Variants in CTTNBP2NL observed in about 807,000 individuals in gnomAD.
The protein encoded by CTTNBP2NL is CTTNBP2 N-terminal like, also known as CTTNBP2 N-terminal-like protein.
A neutral mutation model predicts 32.5 loss-of-function variants in CTTNBP2NL; 16 were observed. The ratio of observed to expected loss-of-function variants is 0.49; its 90% CI spans 0.33 to 0.75. CTTNBP2NL has a LOEUF of 0.75. Ranked by LOEUF, CTTNBP2NL falls within the 30% of genes least tolerant of loss-of-function variation. CTTNBP2NL has a pLI of 0.02. For synonymous variants in CTTNBP2NL, 298 were observed against 289.4 expected, an observed-to-expected ratio of 1.03 and a Z score of -0.30; for missense variants, 645 against 756.0, an observed-to-expected ratio of 0.85 and a Z score of 1.72.
chr1:112,430,209 T>TTCTTTTCTTG, intron 3 of CTTNBP2NL, among the ~76,000 whole-genome samples: 1 of 39,442 alleles, frequency 2.5e-5, no homozygotes, highest in Admixed American at 3.2e-4. Context: ...TTCTTTTCTT[T>TTCTTTTCTTG]TCTTTTCTTT....
chr1:112,398,459 A>G (rs1648395383), intron 1 of CTTNBP2NL, among the ~76,000 whole-genome samples: 1 of 152,074 alleles, frequency 6.6e-6, no homozygotes, highest in South Asian at 2.1e-4. Flanking sequence ...GTATGACTTC[A>G]TGAGTGTTTG....
rs529457235 is a variant in CTTNBP2NL at position 112,448,643 on chromosome 1, C to T, written c.100-299C>T. On this transcript the variant is annotated intron_variant, in intron 3 of 5. Transcript: ENST00000271277. ...GATGAGTAACCAGGAATAGTTTTCT[C>T]ATCAGCAAAATCGAGATGATAGCAC... Among the ~76,000 whole-genome samples, 4 of 152,244 alleles carry T rather than the reference C, an allele frequency of 2.6e-5. No individual in the cohort carries two copies. In the South Asian group the frequency reaches 8.3e-4, roughly 32 times the overall value.
chr1:112,413,329 C>T (rs1404202071), intron 2 of CTTNBP2NL, among the ~76,000 whole-genome samples: 4 of 152,172 alleles, frequency 2.6e-5, no homozygotes, highest in East Asian at 1.9e-4. Context: ...CCGAGGTCAT[C>T]GATCTTGGCT....
Position 112,456,499 on chromosome 1 carries a change from C to G in CTTNBP2NL, c.1007C>G (p.Pro336Arg). ...GCCAAGATGACAAACACTGGGCTGC[C>G]TGGTCCTGCCACTCCTGCTTACTCA... is the stretch of plus-strand genomic sequence containing the variant. ...NIAKMTNTGL[P>R]GPATPAYSYA... The change falls in exon 6 of 6, where the codon CCT (proline) becomes CGT (arginine). Residue 336 changes from proline (P) to arginine (R), a missense_variant. Pro to Arg is a moderately radical substitution (Grantham distance 103). Transcript: ENST00000271277. 3 of 1,614,160 alleles carry G rather than the reference C, an allele frequency of 1.9e-6. No individual in the cohort carries two copies. Among genetic ancestry groups the G allele is most frequent in the Non-Finnish European group, 2.5e-6 (3 of 1,180,010 alleles).
At chr1:112,426,251 CTTG>C (rs1212928677) in intron 3 of CTTNBP2NL, among the ~76,000 whole-genome samples, 2 of 151,914 alleles carry the variant, frequency 1.3e-5, no homozygotes, top group African/African-American at 4.8e-5. Context: ...TTTTTATGTC[CTTG>C]TTGTGTGTCT....
rs559590699 is a variant in CTTNBP2NL, at chr1:112,411,818, G to A, written c.-133-376G>A. On this transcript the variant is annotated intron_variant, in intron 1 of 5. Coordinates refer to ENST00000271277, the MANE Select transcript of CTTNBP2NL (RefSeq NM_018704.3). ...CTGCCTTAGCCTCGTGAGTAGCTGG[G>A]ACCACAGGCACCCGCCACCACGCCC... 6.2e-3 allele frequency among the ~76,000 whole-genome samples: 940 copies of A among 152,166 alleles called. 6 individuals carry two copies. Among genetic ancestry groups the A allele is most frequent in the African/African-American group, 0.022 (899 of 41,494 alleles).
intron 2 of CTTNBP2NL, among the ~76,000 whole-genome samples, chr1:112,412,733 C>G (rs189028109): frequency 6.6e-6 from 1 of 150,948 alleles, no homozygotes; most frequent in African/African-American, 2.4e-5. Context: ...TCTCCTGCCT[C>G]AGCCTCCTGA....
chr1:112,403,541 C>A (rs563575318), intron 1 of CTTNBP2NL, among the ~76,000 whole-genome samples: 1 of 152,222 alleles, frequency 6.6e-6, no homozygotes, highest in East Asian at 1.9e-4. Flanking sequence ...GTGATAACTG[C>A]TCTTGAATTA....
At chr1:112,422,994 A>G (rs796852380) in intron 3 of CTTNBP2NL, among the ~76,000 whole-genome samples, 1 of 152,158 alleles carries the variant, frequency 6.6e-6, no homozygotes, top group African/African-American at 2.4e-5. Flanking sequence ...AGGTCTCACC[A>G]TGTTGCTCAG....
chr1:112,397,706 T>C (rs1286392507), intron 1 of CTTNBP2NL, among the ~76,000 whole-genome samples: 1 of 152,182 alleles, frequency 6.6e-6, no homozygotes, highest in Non-Finnish European at 1.5e-5. Flanking sequence ...GCTAGCGCTT[T>C]TATATATTAA....
At chr1:112,425,428 G>A (rs965185735) in intron 3 of CTTNBP2NL, among the ~76,000 whole-genome samples, 10 of 152,150 alleles carry the variant, frequency 6.6e-5, no homozygotes, top group African/African-American at 2.2e-4. Context: ...CTGAGATCGC[G>A]CCACCGCACT....
chr1:112,455,900 CA>C, intron 5 of CTTNBP2NL, 30 bp from the exon 6 acceptor site: 1 of 1,516,184 alleles, frequency 6.6e-7, no homozygotes, highest in Non-Finnish European at 8.9e-7. Context: ...CACAGTTTGT[CA>C]GTATGTCTCT....
chr1:112,445,574 G>A (rs191772344), intron 3 of CTTNBP2NL, among the ~76,000 whole-genome samples: 137 of 152,158 alleles, frequency 9.0e-4, no homozygotes, highest in African/African-American at 2.9e-3. Context: ...TAAGAGAATC[G>A]CTCTCTGACA....
At position 112,449,015 on chromosome 1, in the gene CTTNBP2NL, A is replaced by G. The variant is rs1000408911; in HGVS notation, c.173A>G (p.Gln58Arg). The change falls in exon 4 of 6, where the codon CAG (glutamine) becomes CGG (arginine). Residue 58 changes from glutamine to arginine, a missense_variant. Gln to Arg is a conservative substitution (Grantham distance 43). Transcript: ENST00000271277. ...YNISDPLMAL[Q>R]RDFETLKEKN... ...ATCAGTGATCCTTTAATGGCTCTAC[A>G]GAGAGATTTTGAAACACTGAAGGAG... 1 of 1,613,242 alleles carries G rather than the reference A, an allele frequency of 6.2e-7. No individual in the cohort carries two copies. The highest frequency in any genetic ancestry group is 1.3e-5 in the African/African-American group (1 of 75,040).
At chr1:112,411,135 C>T (rs573821803) in intron 1 of CTTNBP2NL, among the ~76,000 whole-genome samples, 3 of 152,220 alleles carry the variant, frequency 2.0e-5, no homozygotes, top group African/African-American at 7.2e-5. Context: ...ATAACAAATT[C>T]ATACTTCCTG....
At chr1:112,454,057 C>A (rs1290011665) in intron 4 of CTTNBP2NL, among the ~76,000 whole-genome samples, 1 of 152,168 alleles carries the variant, frequency 6.6e-6, no homozygotes. Context: ...AGAAGAAAAT[C>A]TCAGCTTTCA....
chr1:112,395,295 G>A (rs138171726), upstream of CTTNBP2NL, among the ~76,000 whole-genome samples: 989 of 152,260 alleles, frequency 6.5e-3, 4 homozygotes, highest in Non-Finnish European at 0.012. Context: ...GCCATTCTGT[G>A]GAAAAGGAAT....
Position 112,459,666 on chromosome 1 carries a change from T to C in CTTNBP2NL, c.*2254T>C, listed in dbSNP as rs1161361981. On this transcript the variant is annotated 3_prime_UTR_variant, in exon 6 of 6. Transcript: ENST00000271277. ...AATCATGCATTGAACTTTATTCCTA[T>C]GCAGAGCCAAAACGAATAGTGTTGA... The C allele has an allele frequency of 2.6e-5, 4 of 152,244 alleles. No homozygotes were observed. Among genetic ancestry groups the C allele is most frequent in the Non-Finnish European group, 5.9e-5 (4 of 68,044 alleles). 9.4% of individuals were successfully genotyped at this position (152,244 alleles called of 1,614,324 possible).
chr1:112,411,261 G>A (rs1270127135), intron 1 of CTTNBP2NL, among the ~76,000 whole-genome samples: 1 of 152,138 alleles, frequency 6.6e-6, no homozygotes, highest in Non-Finnish European at 1.5e-5. Flanking sequence ...TTGACTGTTA[G>A]GTTTCAGCAA....
Sources: allele counts gnomAD v4.1 joint callset (sites outside exome capture counted in the v4.1 genomes callset), GRCh38; gene constraint gnomAD v4.1.1; transcripts MANE v1.5; gene names NCBI Gene and HGNC (gene_info 2026-07-23, HGNC 2026-07-21).